CRB1: variants seen among roughly 807,000 people sequenced by gnomAD.
The protein encoded by CRB1 is protein crumbs homolog 1.
A neutral mutation model predicts 120.0 loss-of-function variants in CRB1; 83 were observed. The ratio of observed to expected loss-of-function variants is 0.69; its 90% CI spans 0.58 to 0.83. CRB1 has a LOEUF of 0.83. Ranked by LOEUF, CRB1 falls within the 40% of genes least tolerant of loss-of-function variation. The pLI is 0.00. For missense variants in CRB1, 1,699 were observed against 1,687.6 expected (o/e 1.01, Z -0.12); for synonymous variants, 625 against 612.5 (o/e 1.02, Z -0.30).
At chr1:197,376,690 T>C (rs1403449809) in intron 5 of CRB1, among the ~76,000 whole-genome samples, 1 of 152,192 alleles carries the variant, frequency 6.6e-6, no homozygotes, top group Non-Finnish European at 1.5e-5. Context: ...TTCAATAGCC[T>C]AATGTTTTGG....
intron 11 of CRB1, among the ~76,000 whole-genome samples, chr1:197,460,148 T>C (rs1291857593): frequency 1.3e-5 from 2 of 151,908 alleles, no homozygotes; most frequent in Non-Finnish European, 2.9e-5. Flanking sequence ...GGTTCAGATA[T>C]GATCAGATTA....
intron 5 of CRB1, among the ~76,000 whole-genome samples, chr1:197,376,552 T>A (rs1301393314): frequency 6.6e-6 from 1 of 152,158 alleles, no homozygotes; most frequent in Non-Finnish European, 1.5e-5. Context: ...TTCTTTAATA[T>A]CCCACATCTG....
At chr1:197,278,545 A>G (rs959487010) in intron 1 of CRB1, among the ~76,000 whole-genome samples, 37 of 151,940 alleles carry the variant, frequency 2.4e-4, no homozygotes, top group African/African-American at 8.4e-4. Context: ...GAGGAAGCAT[A>G]CAATAGCTCT....
chr1:197,442,507 G>A (rs1163791669), intron 11 of CRB1: 17 of 1,465,832 alleles, frequency 1.2e-5, no homozygotes, highest in Non-Finnish European at 1.5e-5. Context: ...GGAAGAAAAA[G>A]GAAATAAAAA....
rs746201688 is a variant in CRB1, at chr1:197,370,068, G to A, written c.1171+13055G>A. 2.6e-5 allele frequency among the ~76,000 whole-genome samples: 4 copies of A among 152,034 alleles called. No homozygotes were observed. In the South Asian group the frequency reaches 6.2e-4, roughly 24 times the overall value. On this transcript the variant is annotated intron_variant, in intron 5 of 11. Coordinates refer to ENST00000367400, the MANE Select transcript of CRB1 (RefSeq NM_201253.3). ...AACTGAGCCTCATAAATGAAGGAAA[G>A]ACACAATCTTTTTCAGACAAACAAA...
At chr1:197,271,240 T>C (rs1214955920) in intron 1 of CRB1, among the ~76,000 whole-genome samples, 1 of 152,124 alleles carries the variant, frequency 6.6e-6, no homozygotes, top group Non-Finnish European at 1.5e-5. Context: ...CAGTTATTAA[T>C]ATCATATTAA....
At chr1:197,470,688 C>T (rs1428505853) in intron 11 of CRB1, among the ~76,000 whole-genome samples, 2 of 152,230 alleles carry the variant, frequency 1.3e-5, no homozygotes, top group East Asian at 1.9e-4. Flanking sequence ...TGCCTAAAAT[C>T]TGGTATCCTA....
chr1:197,404,708 T>A, intron 5 of CRB1, among the ~76,000 whole-genome samples: 1 of 152,130 alleles, frequency 6.6e-6, no homozygotes, highest in Non-Finnish European at 1.5e-5. Flanking sequence ...TGCTATAGAG[T>A]GGATATGTGC....
chr1:197,420,931 T>G, intron 5 of CRB1, 69 bp from the exon 6 acceptor site: 1 of 1,037,194 alleles, frequency 9.6e-7, no homozygotes, highest in South Asian at 1.3e-5. Flanking sequence ...ATTATACAAG[T>G]AAATTACGTG....
At chr1:197,381,211 T>C (rs1009227175) in intron 5 of CRB1, among the ~76,000 whole-genome samples, 1 of 152,210 alleles carries the variant, frequency 6.6e-6, no homozygotes, top group Non-Finnish European at 1.5e-5. Flanking sequence ...ATTCTCCTCC[T>C]TTTAATATTT....
chr1:197,305,311 G>C (rs1477263723), intron 1 of CRB1, among the ~76,000 whole-genome samples: 2 of 151,870 alleles, frequency 1.3e-5, no homozygotes, highest in Admixed American at 1.3e-4. Flanking sequence ...TGAGTACATG[G>C]GAGTCAAGTG....
At chr1:197,363,150 C>A (rs1294558322) in intron 5 of CRB1, among the ~76,000 whole-genome samples, 3 of 147,646 alleles carry the variant, frequency 2.0e-5, no homozygotes, top group African/African-American at 7.6e-5. Flanking sequence ...TTTTTTTTGC[C>A]TTCTTCACTT....
chr1:197,203,050 G>T, the CRB1 span, among the ~76,000 whole-genome samples: 1 of 151,958 alleles, frequency 6.6e-6, no homozygotes, highest in Admixed American at 6.6e-5. Flanking sequence ...AGGAATGAAA[G>T]ATTTAGTTAG....
chr1:197,409,495 G>C (rs1663587384), intron 5 of CRB1, among the ~76,000 whole-genome samples: 1 of 151,872 alleles, frequency 6.6e-6, no homozygotes, highest in African/African-American at 2.4e-5. Flanking sequence ...ATGCTCTATA[G>C]ATTTTGATTT....
chr1:197,467,958 C>A (rs1666822101), intron 11 of CRB1, among the ~76,000 whole-genome samples: 1 of 152,174 alleles, frequency 6.6e-6, no homozygotes, highest in South Asian at 2.1e-4. Context: ...GTTATATGCC[C>A]AGTTTTGGTA....
chr1:197,393,078 A>G (rs1175210040), intron 5 of CRB1, among the ~76,000 whole-genome samples: 1 of 152,148 alleles, frequency 6.6e-6, no homozygotes, highest in Non-Finnish European at 1.5e-5. Flanking sequence ...CAACATAAAT[A>G]TAGTTAGGGC....
chr1:197,421,518 G>A lies in CRB1; in HGVS notation c.1690G>A (p.Asp564Asn), dbSNP rs757279881. The change falls in exon 6 of 12, where the codon GAT (aspartate) becomes AAT (asparagine). Residue 564 changes from aspartate to asparagine, a missense_variant. Transcript: ENST00000367400. ...VLLFISHNTS[D>N]GEWHFVEVIF... ...TCTGTTCATTTCCCACAACACCAGCGATGGAGAGTGGCATTTCGTGGAGGT... is the reference window on the plus strand; with the variant it reads ...TCTGTTCATTTCCCACAACACCAGCAATGGAGAGTGGCATTTCGTGGAGGT... The A allele has an allele frequency of 4.3e-6, 7 of 1,614,220 alleles. No homozygotes were observed. Among genetic ancestry groups the A allele is most frequent in the East Asian group, 2.2e-5 (1 of 44,880 alleles).
intron 5 of CRB1, among the ~76,000 whole-genome samples, chr1:197,401,381 CAT>C (rs1202487591): frequency 6.6e-6 from 1 of 152,078 alleles, no homozygotes; most frequent in African/African-American, 2.4e-5. Context: ...AAAGTGAAAT[CAT>C]ATTGTTTTGA....
the CRB1 span, among the ~76,000 whole-genome samples, chr1:197,253,843 T>A: frequency 6.6e-6 from 1 of 152,102 alleles, no homozygotes; most frequent in African/African-American, 2.4e-5. Flanking sequence ...TAACAGCTTT[T>A]GTGCTGATAG....
Sources: gnomAD v4.1 joint callset for allele counts (sites outside exome capture counted in the v4.1 genomes callset) on GRCh38, gnomAD v4.1.1 for gene constraint, MANE v1.5 for transcripts, NCBI Gene and HGNC (gene_info 2026-07-23, HGNC 2026-07-21) for gene names.